Variants in DSC3 observed in about 807,000 individuals in gnomAD.
DSC3 encodes the protein desmocollin-3.
In DSC3, 97 loss-of-function variants were observed where a neutral mutation model predicts 89.5. The observed-to-expected ratio is 1.08, with a 90% confidence interval of 0.92 to 1.28. The LOEUF (loss-of-function observed/expected upper bound fraction) is 1.28, where lower values mean the gene tolerates loss of function less well. Among genes scored for constraint, DSC3 ranks in the 50% most tolerant of loss-of-function variants. DSC3 has a pLI of 0.00. For missense variants in DSC3, 1,199 were observed against 1,085.3 expected (o/e 1.10, Z -1.47); for synonymous variants, 436 against 384.1 (o/e 1.14, Z -1.58).
intron 12 of DSC3, among the ~76,000 whole-genome samples, chr18:31,006,394 G>A (rs1200989524): frequency 5.3e-5 from 8 of 152,060 alleles, no homozygotes; most frequent in African/African-American, 1.9e-4. Flanking sequence ...TCCACCTACT[G>A]GTTTAAGTGA....
At chr18:31,018,420 TAAAAG>T (rs1250332877) in intron 8 of DSC3, among the ~76,000 whole-genome samples, 164 bp from the exon 9 acceptor site, 2 of 152,072 alleles carry the variant, frequency 1.3e-5, no homozygotes, top group African/African-American at 4.8e-5. Context: ...ATCTTTTAAA[TAAAAG>T]AAAAGTTTCA....
rs1299494333 is a variant in DSC3, at chr18:31,007,051, C to T, written c.1744G>A (p.Val582Ile). The change falls in exon 12 of 16, where the codon GTA (valine) becomes ATA (isoleucine). Residue 582 changes from valine (V) to isoleucine (I), a missense_variant. Coordinates refer to ENST00000360428, the MANE Select transcript of DSC3 (RefSeq NM_001941.5). ...CCCATTTTTGGTTTGCAAATGACTA[C>T]ATATTCTTGAAGTATTTCTGGTGGA... ...DNPPEILQEY[V>I]VICKPKMGYT... 6.2e-7 allele frequency: 1 copy of T among 1,613,814 alleles called. No individual in the cohort carries two copies. The highest frequency in any genetic ancestry group is 8.5e-7 in the Non-Finnish European group (1 of 1,179,922).
intron 9 of DSC3, among the ~76,000 whole-genome samples, chr18:31,012,815 A>C (rs11876648): frequency 0.011 from 1,655 of 152,298 alleles, 32 homozygotes; most frequent in African/African-American, 0.038. Flanking sequence ...CTTTTTGTGG[A>C]TATGGATGTA....
At chr18:31,004,741 T>G (rs1383125499) in intron 12 of DSC3, among the ~76,000 whole-genome samples, 2 of 152,146 alleles carry the variant, frequency 1.3e-5, no homozygotes, top group Admixed American at 1.3e-4. Context: ...ACGTTTCTTA[T>G]CCATTGACCT....
intron 1 of DSC3, among the ~76,000 whole-genome samples, chr18:31,035,314 T>C (rs984741955): frequency 6.6e-6 from 1 of 151,962 alleles, no homozygotes; most frequent in African/African-American, 2.4e-5. Context: ...TAAACAAAAA[T>C]ATCACAAAAA....
At chr18:31,030,325 T>G (rs982795433) in intron 3 of DSC3, among the ~76,000 whole-genome samples, 5 of 152,230 alleles carry the variant, frequency 3.3e-5, no homozygotes, top group African/African-American at 1.2e-4. Context: ...TCATAAGAAT[T>G]AATTAATAAT....
At chr18:31,040,335 T>C (rs1350406377) in intron 1 of DSC3, among the ~76,000 whole-genome samples, 2 of 152,140 alleles carry the variant, frequency 1.3e-5, no homozygotes, top group Non-Finnish European at 2.9e-5. Flanking sequence ...AAGAATCTTA[T>C]TATTTGTAAC....
intron 1 of DSC3, among the ~76,000 whole-genome samples, chr18:31,038,959 A>G (rs899321407): frequency 6.6e-6 from 1 of 152,082 alleles, no homozygotes; most frequent in Non-Finnish European, 1.5e-5. Flanking sequence ...GTCATTTGAT[A>G]TTATGTTTTT....
At position 31,018,126 on chromosome 18, in the gene DSC3, T is replaced by C; in HGVS notation, c.1208A>G (p.His403Arg). The C allele has an allele frequency of 6.2e-7, 1 of 1,612,818 alleles. No individual in the cohort carries two copies. The highest frequency in any genetic ancestry group is 8.5e-7 in the Non-Finnish European group (1 of 1,179,386). Residue 403 changes from histidine to arginine, a missense_variant, in exon 9 of 16, where the codon CAT becomes CGT. His to Arg is a conservative substitution (Grantham distance 29). Coordinates refer to ENST00000360428, the MANE Select transcript of DSC3 (RefSeq NM_001941.5). Reference sequence around the variant, plus strand: ...TTCTTTGTCTGTGCTGATTTTGAAATGTCCATTTTCATTTCCCTTTAAAAT... The same window carrying C: ...TTCTTTGTCTGTGCTGATTTTGAAACGTCCATTTTCATTTCCCTTTAAAAT... ...FTILKGNENG[H>R]FKISTDKETN... is the part of the protein sequence containing the mutation.
chr18:31,030,586 G>A (rs1297795324), intron 3 of DSC3, among the ~76,000 whole-genome samples: 3 of 152,200 alleles, frequency 2.0e-5, no homozygotes, highest in Non-Finnish European at 4.4e-5. Context: ...CCCTCACAGA[G>A]GAGAAATAAT....
rs118029845 is a variant in DSC3 at position 31,023,160 on chromosome 18, C to T, written c.776-658G>A. Among the ~76,000 whole-genome samples, 64 of 152,114 alleles carry T rather than the reference C, an allele frequency of 4.2e-4. 1 individual carries two copies. The East Asian group carries it at 0.011, about 27-fold the overall frequency. Reference sequence around the variant, plus strand: ...ACAGACTCCTCAAGAAAGCCTGAAACTAATTACCCCTTTTTGAAAAAGGGA... The same window carrying T: ...ACAGACTCCTCAAGAAAGCCTGAAATTAATTACCCCTTTTTGAAAAAGGGA... On this transcript the variant is annotated intron_variant, in intron 6 of 15. Coordinates refer to ENST00000360428, the MANE Select transcript of DSC3 (RefSeq NM_001941.5).
At chr18:31,001,593 A>C (rs1286032460) in intron 14 of DSC3, 25 bp downstream of exon 14, 22 of 1,605,958 alleles carry the variant, frequency 1.4e-5, no homozygotes, top group Non-Finnish European at 1.9e-5. Context: ...AGATACAAAT[A>C]CATATTTATT....
At chr18:31,042,245 C>G (rs1043357767) in intron 1 of DSC3, among the ~76,000 whole-genome samples, 2 of 152,192 alleles carry the variant, frequency 1.3e-5, no homozygotes, top group African/African-American at 4.8e-5. Flanking sequence ...GCCCTCCAAC[C>G]ACCATCACCA....
chr18:31,038,238 T>A (rs1986031988), intron 1 of DSC3, among the ~76,000 whole-genome samples: 1 of 152,220 alleles, frequency 6.6e-6, no homozygotes, highest in African/African-American at 2.4e-5. Flanking sequence ...AGTTCTGTAT[T>A]TTTTTGTTCT....
At chr18:30,994,554 A>G in intron 15 of DSC3, 182 bp from the exon 16 acceptor site, 2 of 1,372,454 alleles carry the variant, frequency 1.5e-6, no homozygotes, top group South Asian at 2.4e-5. Flanking sequence ...TAAAGTCAGT[A>G]TAGTTTACAT....
In DSC3 at chr18:31,018,815, A is replaced by G. The variant is rs770137921; in HGVS notation, c.943-15T>C. 3.7e-6 allele frequency: 6 copies of G among 1,612,840 alleles called. No homozygotes were observed. Among genetic ancestry groups the G allele is most frequent in the South Asian group, 3.3e-5 (3 of 91,056 alleles). On this transcript the variant is annotated splice_polypyrimidine_tract_variant and intron_variant, in intron 7 of 15. Transcript: ENST00000360428. ...TTGTCTACAACCTGGAAACAAAGCA[A>G]ATATTTAACTAGTCTTGAAAAATTT...
intron 15 of DSC3, among the ~76,000 whole-genome samples, chr18:30,995,295 A>G (rs1410608818): frequency 6.6e-6 from 1 of 152,178 alleles, no homozygotes; most frequent in Non-Finnish European, 1.5e-5. Flanking sequence ...TCCTAAGACT[A>G]TGTCTTAAGC....
intron 9 of DSC3, among the ~76,000 whole-genome samples, chr18:31,015,702 A>G (rs1985212614): frequency 6.6e-6 from 1 of 152,186 alleles, no homozygotes; most frequent in Non-Finnish European, 1.5e-5. Context: ...CTGACCAAGG[A>G]GCAGATAGAC....
chr18:31,016,305 C>T (rs926245117), intron 9 of DSC3, among the ~76,000 whole-genome samples: 1 of 152,182 alleles, frequency 6.6e-6, no homozygotes, highest in Non-Finnish European at 1.5e-5. Context: ...AATAAGCTTG[C>T]TTTGCTTTCA....
Sources: allele counts gnomAD v4.1 joint callset (sites outside exome capture counted in the v4.1 genomes callset), GRCh38; gene constraint gnomAD v4.1.1; transcripts MANE v1.5; gene names NCBI Gene and HGNC (gene_info 2026-07-23, HGNC 2026-07-21).